CSMD1: variants seen among roughly 807,000 people sequenced by gnomAD.
CSMD1 encodes the protein CUB and sushi domain-containing protein 1.
A neutral mutation model predicts 417.5 loss-of-function variants in CSMD1; 213 were observed. The ratio of observed to expected loss-of-function variants is 0.51; its 90% confidence interval spans 0.46 to 0.57. The LOEUF is 0.57. CSMD1 is among the 20% of genes least tolerant of loss of function. The pLI, the probability that CSMD1 is intolerant of heterozygous loss-of-function variation, is 0.00. For synonymous variants in CSMD1, 2,862 were observed against 1,736.8 expected (o/e 1.65, Z -16.11); for missense variants, 6,923 against 4,529.7 (o/e 1.53, Z -15.17).
chr8:4,879,917 T>C (rs1020463873), intron 1 of CSMD1, among the ~76,000 whole-genome samples: 1 of 152,144 alleles, frequency 6.6e-6, no homozygotes, highest in African/African-American at 2.4e-5. Context: ...TTTTATCTCA[T>C]TAACTTCCCA....
At position 4,406,345 on chromosome 8, in the gene CSMD1, G is replaced by T. The variant is rs148415013; in HGVS notation, c.415+13608C>A. Among the ~76,000 whole-genome samples the T allele has an allele frequency of 3.3e-5, 5 of 152,032 alleles. No homozygotes were observed. The East Asian group carries it at 5.8e-4, about 18-fold the overall frequency. On this transcript the variant is annotated intron_variant, in intron 3 of 69. Transcript: ENST00000635120. Reference sequence around the variant, plus strand: ...TGAATTCAACACACTCAAAATGACAGAATTTAGGGAAAGAGAGATGACAAT... The same window carrying T: ...TGAATTCAACACACTCAAAATGACATAATTTAGGGAAAGAGAGATGACAAT...
rs905038131 is a variant in CSMD1, at chr8:3,838,355, G to C, written c.819-84313C>G. ...GTTCCAGACCAGCCTGGGTGATGTCGTGAGACACTGTCTCTACTATATATA... is the reference window on the plus strand; with the variant it reads ...GTTCCAGACCAGCCTGGGTGATGTCCTGAGACACTGTCTCTACTATATATA... On this transcript the variant is annotated intron_variant, in intron 5 of 69. Transcript: ENST00000635120. 2.0e-5 allele frequency among the ~76,000 whole-genome samples: 3 copies of C among 151,596 alleles called. 1 individual carries two copies. The highest frequency in any genetic ancestry group is 1.3e-4 in the Admixed American group (2 of 15,110).
Position 4,824,441 on chromosome 8 carries a change from T to C in CSMD1, c.85+169891A>G, listed in dbSNP as rs140390422. Among the ~76,000 whole-genome samples, 29 of 152,206 alleles carry C rather than the reference T, an allele frequency of 1.9e-4. No individual in the cohort carries two copies. In the East Asian group the frequency reaches 2.3e-3, roughly 12 times the overall value. ...TAACATGTGGTTCCGGGTAGAAAAA[T>C]TGTATAATTAAAGAAGACTATTTTT... On this transcript the variant is annotated intron_variant, in intron 1 of 69. Coordinates refer to ENST00000635120, the MANE Select transcript of CSMD1 (RefSeq NM_033225.6).
chr8:4,161,437 A>T (rs752014117), intron 3 of CSMD1, among the ~76,000 whole-genome samples: 43 of 152,200 alleles, frequency 2.8e-4, no homozygotes, highest in Non-Finnish European at 5.0e-4. Context: ...TAGAAGAGAA[A>T]ATTGAAACTG....
chr8:3,592,695 T>C (rs976023168), intron 8 of CSMD1, among the ~76,000 whole-genome samples: 12 of 149,908 alleles, frequency 8.0e-5, no homozygotes, highest in Non-Finnish European at 1.6e-4. Flanking sequence ...TGCACATCCG[T>C]GTGTGTGTGT....
chr8:3,420,250 A>G (rs886375112), intron 12 of CSMD1, among the ~76,000 whole-genome samples: 1 of 152,128 alleles, frequency 6.6e-6, no homozygotes, highest in Non-Finnish European at 1.5e-5. Context: ...CAAGAAAAGC[A>G]TCAGATAAAT....
chr8:4,604,735 T>C (rs1800777613), intron 2 of CSMD1, among the ~76,000 whole-genome samples: 1 of 152,202 alleles, frequency 6.6e-6, no homozygotes. Flanking sequence ...GTAACATTTA[T>C]GCACAAAATA....
At chr8:3,815,610 A>G (rs1216157636) in intron 5 of CSMD1, among the ~76,000 whole-genome samples, 1 of 143,618 alleles carries the variant, frequency 7.0e-6, no homozygotes, top group East Asian at 2.0e-4. Flanking sequence ...AAAAATGTCT[A>G]TCACTGCTAG....
intron 54 of CSMD1, among the ~76,000 whole-genome samples, chr8:2,981,521 T>A (rs1805425313): frequency 6.6e-6 from 1 of 152,236 alleles, no homozygotes; most frequent in Non-Finnish European, 1.5e-5. Flanking sequence ...CATCTTAACA[T>A]CTTAATGCCT....
At chr8:4,417,691 T>C (rs1478273118) in intron 3 of CSMD1, among the ~76,000 whole-genome samples, 2 of 151,964 alleles carry the variant, frequency 1.3e-5, no homozygotes, top group Non-Finnish European at 2.9e-5. Context: ...TAAAAACTAA[T>C]GGGAAAAGAG....
intron 3 of CSMD1, among the ~76,000 whole-genome samples, chr8:4,224,955 A>T (rs562139825): frequency 1.4e-4 from 22 of 151,966 alleles, no homozygotes; most frequent in South Asian, 1.2e-3. Context: ...TAATAAAATT[A>T]AAAAAAATTA....
At chr8:4,053,457 C>T (rs1024063842) in intron 3 of CSMD1, among the ~76,000 whole-genome samples, 1 of 151,814 alleles carries the variant, frequency 6.6e-6, no homozygotes, top group South Asian at 2.1e-4. Context: ...GGGAACCCTA[C>T]TGAAGTTCAA....
chr8:3,830,274 C>A (rs1438578220), intron 5 of CSMD1, among the ~76,000 whole-genome samples: 2 of 152,184 alleles, frequency 1.3e-5, no homozygotes, highest in African/African-American at 2.4e-5. Flanking sequence ...CAGTTAGTCA[C>A]ATTACAGAGC....
intron 21 of CSMD1, among the ~76,000 whole-genome samples, chr8:3,354,919 C>CGA (rs1808671020): frequency 7.1e-6 from 1 of 141,572 alleles, no homozygotes; most frequent in South Asian, 2.2e-4. Flanking sequence ...ATAGATATGT[C>CGA]TATCTATAGA....
chr8:3,650,584 C>G (rs1000772069), intron 7 of CSMD1, among the ~76,000 whole-genome samples: 1 of 152,124 alleles, frequency 6.6e-6, no homozygotes, highest in African/African-American at 2.4e-5. Context: ...GCTAGTTATT[C>G]TGAGTACATA....
intron 3 of CSMD1, among the ~76,000 whole-genome samples, chr8:4,160,849 A>T (rs972530125): frequency 6.6e-6 from 1 of 152,238 alleles, no homozygotes; most frequent in African/African-American, 2.4e-5. Flanking sequence ...GAAGTTTCTA[A>T]TATTTCCTTA....
chr8:4,483,688 A>G (rs1801222824), intron 2 of CSMD1, among the ~76,000 whole-genome samples: 1 of 152,226 alleles, frequency 6.6e-6, no homozygotes, highest in Non-Finnish European at 1.5e-5. Flanking sequence ...TAAGAAAAGC[A>G]CTGATTTTGC....
intron 1 of CSMD1, among the ~76,000 whole-genome samples, chr8:4,826,238 T>C (rs1799818416): frequency 6.6e-6 from 1 of 152,036 alleles, no homozygotes; most frequent in Non-Finnish European, 1.5e-5. Context: ...GCAACCTAAA[T>C]ATCCATTGAC....
intron 7 of CSMD1, among the ~76,000 whole-genome samples, chr8:3,701,637 G>A (rs543509578): frequency 6.6e-6 from 1 of 152,084 alleles, no homozygotes; most frequent in African/African-American, 2.4e-5. Flanking sequence ...ATTATAAGTA[G>A]ATAAATACAA....
Sources: allele counts gnomAD v4.1 joint callset (sites outside exome capture counted in the v4.1 genomes callset), GRCh38; gene constraint gnomAD v4.1.1; transcripts MANE v1.5; gene names NCBI Gene and HGNC (gene_info 2026-07-23, HGNC 2026-07-21).